The following NR3C2 variants were observed in gnomAD, a reference collection of about 807,000 sequenced individuals.
NR3C2 encodes mineralocorticoid receptor.
NR3C2 carries 15 observed loss-of-function variants against 86.4 expected under a neutral mutation model. The ratio of observed to expected loss-of-function variants is 0.17; its 90% confidence interval spans 0.12 to 0.27. NR3C2 has a LOEUF of 0.27. NR3C2 is among the 10% of genes least tolerant of loss of function. NR3C2 has a pLI of 1.00. For missense variants in NR3C2, 960 were observed against 1,195.6 expected (o/e 0.80, Z 2.91); for synonymous variants, 458 against 450.5 (o/e 1.02, Z -0.21).
intron 2 of NR3C2, among the ~76,000 whole-genome samples, chr4:148,263,783 T>C (rs1453287477): frequency 1.3e-5 from 2 of 152,178 alleles, no homozygotes; most frequent in African/African-American, 4.8e-5. Flanking sequence ...GGAAACCCTG[T>C]CCATCATTAA....
intron 4 of NR3C2, among the ~76,000 whole-genome samples, chr4:148,175,695 G>A (rs912267085): frequency 2.6e-5 from 4 of 151,832 alleles, no homozygotes; most frequent in Non-Finnish European, 5.9e-5. Context: ...TTTTTCTACT[G>A]TAGTATATTT....
intron 1 of NR3C2, among the ~76,000 whole-genome samples, chr4:148,437,763 T>C (rs1750148450): frequency 6.6e-6 from 1 of 152,158 alleles, no homozygotes; most frequent in Non-Finnish European, 1.5e-5. Flanking sequence ...TTCAACAATA[T>C]TTACCAAGTG....
intron 3 of NR3C2, among the ~76,000 whole-genome samples, chr4:148,204,524 A>T (rs917263494): frequency 6.6e-6 from 1 of 152,194 alleles, no homozygotes; most frequent in African/African-American, 2.4e-5. Flanking sequence ...CATTTTGTCA[A>T]TTAAGACAAA....
At position 148,190,818 on chromosome 4, in the gene NR3C2, G is replaced by A. The variant is rs188067432; in HGVS notation, c.2014+3928C>T. ...CGCCTCTTTGCTTTTGGTGTCATTT[G>A]CATGAAATGCCTTTTATACCCCTTT... is the stretch of plus-strand genomic sequence containing the variant. On this transcript the variant is annotated intron_variant, in intron 4 of 8. Transcript: ENST00000358102. 3.3e-5 allele frequency among the ~76,000 whole-genome samples: 5 copies of A among 152,322 alleles called. No homozygotes were observed. The East Asian group carries it at 9.7e-4, about 29-fold the overall frequency.
chr4:148,330,518 T>C (rs1744177298), intron 2 of NR3C2, among the ~76,000 whole-genome samples: 1 of 130,756 alleles, frequency 7.6e-6, no homozygotes, highest in South Asian at 2.6e-4. Context: ...CATTAAAATG[T>C]AGTCTTTTTA....
intron 4 of NR3C2, among the ~76,000 whole-genome samples, chr4:148,186,971 C>A (rs1446537166): frequency 8.1e-6 from 1 of 122,742 alleles, no homozygotes; most frequent in African/African-American, 3.1e-5. Context: ...GCATAGTATT[C>A]CATCATACTG....
rs553322860 is a variant in NR3C2 at position 148,305,236 on chromosome 4, A to G, written c.1758-45119T>C. Among the ~76,000 whole-genome samples the G allele has an allele frequency of 2.6e-5, 4 of 152,192 alleles. No individual in the cohort carries two copies. In the East Asian group the frequency reaches 5.8e-4, roughly 22 times the overall value. On this transcript the variant is annotated intron_variant, in intron 2 of 8. Coordinates refer to ENST00000358102, the MANE Select transcript of NR3C2 (RefSeq NM_000901.5). ...CTGAATCTTGCTTCAGGTTTTCTCA[A>G]TTTTTGTTCTAGATCAAGTATCTTT...
chr4:148,126,859 TATTCA>T (rs1168679935), intron 6 of NR3C2, among the ~76,000 whole-genome samples: 6 of 152,244 alleles, frequency 3.9e-5, no homozygotes, highest in Non-Finnish European at 8.8e-5. Flanking sequence ...ATTATTCTCA[TATTCA>T]TGATAAGGAA....
At chr4:148,126,223 T>C (rs1460361250) in intron 6 of NR3C2, among the ~76,000 whole-genome samples, 1 of 152,230 alleles carries the variant, frequency 6.6e-6, no homozygotes, top group Non-Finnish European at 1.5e-5. Flanking sequence ...GCTTATCACA[T>C]ATAAAATTGG....
chr4:148,412,805 A>G (rs556705897), intron 2 of NR3C2, among the ~76,000 whole-genome samples: 2 of 135,492 alleles, frequency 1.5e-5, no homozygotes, highest in African/African-American at 5.7e-5. Context: ...ACGTGCATAC[A>G]CAGGTGCACA....
chr4:148,203,868 T>C (rs1389758135), intron 3 of NR3C2, among the ~76,000 whole-genome samples: 1 of 152,204 alleles, frequency 6.6e-6, no homozygotes, highest in Non-Finnish European at 1.5e-5. Context: ...TGTTTTAAAA[T>C]GCCAGGGGGA....
chr4:148,363,504 C>CTTTTTTTTTTTT (rs1375693723), intron 2 of NR3C2, among the ~76,000 whole-genome samples: 1,386 of 69,640 alleles, frequency 0.02, 287 homozygotes, highest in Middle Eastern at 0.027. Context: ...TCTCATAGAT[C>CTTTTTTTTTTTT]TCTTTTTTTT....
At chr4:148,098,768 A>G (rs1020702172) in intron 8 of NR3C2, among the ~76,000 whole-genome samples, 41 of 152,314 alleles carry the variant, frequency 2.7e-4, no homozygotes, top group African/African-American at 9.6e-4. Flanking sequence ...TCCCTTTATG[A>G]CCTTGATAAA....
At chr4:148,182,991 G>GC (rs1422354720) in intron 4 of NR3C2, among the ~76,000 whole-genome samples, 1 of 152,028 alleles carries the variant, frequency 6.6e-6, no homozygotes, top group Non-Finnish European at 1.5e-5. Flanking sequence ...TCCACAACAG[G>GC]CCCCAGTGTG....
chr4:148,133,464 G>C (rs1043107049), intron 6 of NR3C2, among the ~76,000 whole-genome samples: 3 of 152,082 alleles, frequency 2.0e-5, no homozygotes, highest in Non-Finnish European at 4.4e-5. Flanking sequence ...CAAAAAGGTA[G>C]GATTCCTTTA....
At chr4:148,366,960 G>A (rs1746174809) in intron 2 of NR3C2, among the ~76,000 whole-genome samples, 1 of 152,044 alleles carries the variant, frequency 6.6e-6, no homozygotes, top group South Asian at 2.1e-4. Flanking sequence ...GATTTATAAA[G>A]GTTTGCTTAT....
At chr4:148,405,460 C>T (rs766662799) in intron 2 of NR3C2, among the ~76,000 whole-genome samples, 9 of 152,108 alleles carry the variant, frequency 5.9e-5, no homozygotes, top group East Asian at 1.9e-4. Flanking sequence ...TTGTAGGGAA[C>T]GCACAAAGAC....
chr4:148,119,568 T>C (rs1301805958), intron 7 of NR3C2, among the ~76,000 whole-genome samples: 1 of 152,154 alleles, frequency 6.6e-6, no homozygotes, highest in Admixed American at 6.5e-5. Context: ...CTGAGGCTGG[T>C]GGATCACCGG....
chr4:148,163,428 CTTATAT>C (rs1353883655), intron 4 of NR3C2, among the ~76,000 whole-genome samples: 2 of 152,110 alleles, frequency 1.3e-5, no homozygotes, highest in East Asian at 3.9e-4. Flanking sequence ...GAATAAATCC[CTTATAT>C]TTATATGTGT....
Sources: allele counts gnomAD v4.1 joint callset (sites outside exome capture counted in the v4.1 genomes callset), GRCh38; gene constraint gnomAD v4.1.1; transcripts MANE v1.5; gene names NCBI Gene and HGNC (gene_info 2026-07-23, HGNC 2026-07-21).